Variants in SLCO3A1 observed in about 807,000 individuals in gnomAD.
SLCO3A1 encodes the protein PGE1 transporter.
Under a neutral mutation model 63.1 loss-of-function variants are expected in SLCO3A1, and 27 were observed. The observed-to-expected ratio is 0.43, with a 90% CI of 0.32 to 0.59. The LOEUF (loss-of-function observed/expected upper bound fraction) is 0.59. Among genes scored for constraint, SLCO3A1 ranks in the 20% least tolerant of loss-of-function variants. SLCO3A1 has a pLI of 0.09. For missense variants in SLCO3A1, 773 were observed against 945.8 expected (o/e 0.82, Z 2.40); for synonymous variants, 473 against 409.9 (o/e 1.15, Z -1.86).
At chr15:92,047,592 T>TAATATATA (rs1317548390) in intron 2 of SLCO3A1, among the ~76,000 whole-genome samples, 1 of 22,778 alleles carries the variant, frequency 4.4e-5, no homozygotes, top group Non-Finnish European at 7.3e-5. Flanking sequence ...AATATATATA[T>TAATATATA]AATATATAAT....
chr15:91,945,095 C>G (rs1422267357), intron 2 of SLCO3A1, among the ~76,000 whole-genome samples: 1 of 152,124 alleles, frequency 6.6e-6, no homozygotes, highest in Non-Finnish European at 1.5e-5. Flanking sequence ...CCTGTAATCC[C>G]AGCACTTTGG....
At chr15:92,053,574 G>A (rs1056580725) in intron 2 of SLCO3A1, among the ~76,000 whole-genome samples, 3 of 152,212 alleles carry the variant, frequency 2.0e-5, no homozygotes, top group Admixed American at 6.5e-5. Context: ...TCTTGGCTGT[G>A]ACAGCTCGTC....
At chr15:91,976,990 A>C (rs1901140269) in intron 2 of SLCO3A1, among the ~76,000 whole-genome samples, 1 of 152,142 alleles carries the variant, frequency 6.6e-6, no homozygotes, top group Admixed American at 6.5e-5. Context: ...GGGTTTTGAG[A>C]TCAACCAGTC....
intron 2 of SLCO3A1, among the ~76,000 whole-genome samples, chr15:92,074,524 G>A (rs2047253390): frequency 6.6e-6 from 1 of 152,176 alleles, no homozygotes; most frequent in East Asian, 1.9e-4. Flanking sequence ...CCAGGTGAAC[G>A]TGGTATGCCC....
intron 7 of SLCO3A1, among the ~76,000 whole-genome samples, chr15:92,137,898 C>A: frequency 8.5e-6 from 1 of 118,058 alleles, no homozygotes; most frequent in African/African-American, 4.3e-5. Context: ...GAGTAGGTTG[C>A]GAAAATTTTC....
intron 2 of SLCO3A1, among the ~76,000 whole-genome samples, chr15:91,971,648 A>G (rs943146792): frequency 1.1e-4 from 16 of 152,226 alleles, no homozygotes; most frequent in African/African-American, 3.9e-4. Context: ...GAGTTACAGC[A>G]TTGTTTGCCA....
intron 3 of SLCO3A1, among the ~76,000 whole-genome samples, chr15:92,101,219 TA>T (rs1281681209): frequency 5.3e-5 from 8 of 152,146 alleles, no homozygotes; most frequent in African/African-American, 1.9e-4. Context: ...ATAAAAATTA[TA>T]TTTGTTAGCT....
chr15:91,881,685 A>G (rs1290045961), intron 1 of SLCO3A1, among the ~76,000 whole-genome samples: 3 of 152,222 alleles, frequency 2.0e-5, no homozygotes, highest in Admixed American at 6.5e-5. Flanking sequence ...CGAGCCAGTC[A>G]GCACATGGTC....
intron 2 of SLCO3A1, among the ~76,000 whole-genome samples, chr15:92,018,441 C>A (rs548598644): frequency 6.6e-6 from 1 of 152,326 alleles, no homozygotes; most frequent in South Asian, 2.1e-4. Context: ...ACCAGTGTTA[C>A]ATCCACGACC....
chr15:91,919,141 G>A (rs1264237101), intron 2 of SLCO3A1, among the ~76,000 whole-genome samples: 3 of 152,264 alleles, frequency 2.0e-5, no homozygotes, highest in African/African-American at 7.2e-5. Flanking sequence ...GTCACTAGAT[G>A]GGTGCTGTTT....
chr15:92,147,014 G>C lies in SLCO3A1; in HGVS notation c.1543G>C (p.Val515Leu). 1 of 1,613,820 alleles carries C rather than the reference G, an allele frequency of 6.2e-7. No individual in the cohort carries two copies. Among genetic ancestry groups the C allele is most frequent in the African/African-American group, 1.3e-5 (1 of 75,034 alleles). The change falls in exon 8 of 10, where the codon GTC (valine) becomes CTC (leucine). Residue 515 changes from valine (V) to leucine (L), a missense_variant. Val to Leu is a conservative substitution (Grantham distance 32). This residue lies in a region of SLCO3A1 where 565 missense variants were observed against 749.8 expected (regional missense o/e 0.75). Coordinates refer to ENST00000318445, the MANE Select transcript of SLCO3A1 (RefSeq NM_013272.4). ...NLTGCACLTT[V>L]PAENATVVPG... The stretch of plus-strand genomic sequence containing the variant: ...CACGGGCTGTGCGTGCCTCACCACC[G>C]TCCCTGCTGAGAACGCAACCGTGGT...
intron 2 of SLCO3A1, among the ~76,000 whole-genome samples, chr15:91,977,691 A>G (rs1416945722): frequency 6.6e-6 from 1 of 152,184 alleles, no homozygotes; most frequent in Non-Finnish European, 1.5e-5. Flanking sequence ...GTGCACTAAA[A>G]TCTCAGACAC....
intron 1 of SLCO3A1, among the ~76,000 whole-genome samples, chr15:91,877,351 T>C (rs1897425589): frequency 6.6e-6 from 1 of 152,250 alleles, no homozygotes; most frequent in Non-Finnish European, 1.5e-5. Context: ...TCGTGTTCTT[T>C]GAAGCTACTT....
intron 2 of SLCO3A1, among the ~76,000 whole-genome samples, chr15:91,980,838 G>C (rs914611941): frequency 6.6e-6 from 1 of 152,150 alleles, no homozygotes; most frequent in Non-Finnish European, 1.5e-5. Context: ...ACTTTTCCCA[G>C]GTCCGGGAAA....
chr15:92,117,983 TA>T (rs2047816241), intron 4 of SLCO3A1, among the ~76,000 whole-genome samples: 3 of 152,220 alleles, frequency 2.0e-5, no homozygotes, highest in African/African-American at 7.2e-5. Context: ...ATAGGTGTTA[TA>T]AAGGTAAACA....
At chr15:92,031,698 TG>T (rs2046650929) in intron 2 of SLCO3A1, among the ~76,000 whole-genome samples, 1 of 152,158 alleles carries the variant, frequency 6.6e-6, no homozygotes, top group Non-Finnish European at 1.5e-5. Flanking sequence ...AATATATTTA[TG>T]GGGTACATGA....
At chr15:92,011,853 G>A (rs1283586867) in intron 2 of SLCO3A1, among the ~76,000 whole-genome samples, 1 of 152,220 alleles carries the variant, frequency 6.6e-6, no homozygotes, top group Non-Finnish European at 1.5e-5. Context: ...TGAACAGAGC[G>A]AGTTATACGC....
rs916505689 is a variant in SLCO3A1 at position 91,862,762 on chromosome 15, T to C, written c.180+8674T>C. Reference sequence around the variant, plus strand: ...ACAAAACTACAGGAATTTGAGGGAGTTAGAAGTGATTATTTTTACCGCCAT... The same window carrying C: ...ACAAAACTACAGGAATTTGAGGGAGCTAGAAGTGATTATTTTTACCGCCAT... On this transcript the variant is annotated intron_variant, in intron 1 of 9. Coordinates refer to ENST00000318445, the MANE Select transcript of SLCO3A1 (RefSeq NM_013272.4). The surrounding 1 kb of genome is among the most constrained non-coding windows in gnomAD (Gnocchi z 4.0). 6.6e-6 allele frequency among the ~76,000 whole-genome samples: 1 copy of C among 151,856 alleles called. No individual in the cohort carries two copies. Among genetic ancestry groups the C allele is most frequent in the Non-Finnish European group, 1.5e-5 (1 of 67,978 alleles).
intron 1 of SLCO3A1, among the ~76,000 whole-genome samples, chr15:91,874,313 A>G (rs1004470891): frequency 6.6e-6 from 1 of 152,150 alleles, no homozygotes; most frequent in Non-Finnish European, 1.5e-5. Context: ...GGGGACTCCT[A>G]CATTAAGTAT....
Sources: allele counts gnomAD v4.1 joint callset (sites outside exome capture counted in the v4.1 genomes callset), GRCh38; gene constraint gnomAD v4.1.1; regional missense constraint gnomAD v4.1.1; non-coding constraint Gnocchi (gnomAD v3.1); transcripts MANE v1.5; gene names NCBI Gene and HGNC (gene_info 2026-07-23, HGNC 2026-07-21).